The following GPC6 variants were observed in gnomAD, a reference collection of about 807,000 sequenced individuals.
GPC6 encodes the protein glypican-6.
In GPC6, 14 loss-of-function variants were observed where a neutral mutation model predicts 55.2. The ratio of observed to expected loss-of-function variants is 0.25; its 90% CI spans 0.17 to 0.40. The LOEUF (loss-of-function observed/expected upper bound fraction) is 0.40, where lower values mean the gene tolerates loss of function less well. GPC6 is among the 10% of genes least tolerant of loss of function. GPC6 has a pLI of 1.00. For missense variants in GPC6, 641 were observed against 708.5 expected (o/e 0.90, Z 1.08); for synonymous variants, 278 against 259.6 (o/e 1.07, Z -0.68).
chr13:93,719,871 G>A (rs1388232229), intron 2 of GPC6, among the ~76,000 whole-genome samples: 2 of 151,936 alleles, frequency 1.3e-5, no homozygotes, highest in East Asian at 1.9e-4. Flanking sequence ...TTCTGTTTAT[G>A]TGATGGATTA....
chr13:93,651,447 C>T (rs1161059955), intron 2 of GPC6, among the ~76,000 whole-genome samples: 2 of 152,174 alleles, frequency 1.3e-5, no homozygotes, highest in African/African-American at 4.8e-5. Flanking sequence ...GAAGCAACCA[C>T]AACCAGCGAC....
chr13:94,102,023 A>G (rs1885883172), intron 4 of GPC6, among the ~76,000 whole-genome samples: 1 of 152,098 alleles, frequency 6.6e-6, no homozygotes. Context: ...ACTTTTTAAA[A>G]ATGATTCATT....
chr13:93,919,411 A>G (rs534885846), intron 3 of GPC6, among the ~76,000 whole-genome samples: 5 of 152,336 alleles, frequency 3.3e-5, no homozygotes, highest in African/African-American at 1.2e-4. Flanking sequence ...TGACAGCTTC[A>G]TTCAGTAAAT....
chr13:93,685,517 G>C (rs543805544), intron 2 of GPC6, among the ~76,000 whole-genome samples: 1 of 152,262 alleles, frequency 6.6e-6, no homozygotes, highest in South Asian at 2.1e-4. Context: ...GAATGTATAA[G>C]CTTAACACCT....
At chr13:94,391,454 C>T (rs1225153812) in intron 7 of GPC6, among the ~76,000 whole-genome samples, 3 of 152,078 alleles carry the variant, frequency 2.0e-5, no homozygotes, top group Non-Finnish European at 2.9e-5. Context: ...TCATGAAGTC[C>T]CCTAGTGCCT....
At chr13:93,535,544 T>C in intron 1 of GPC6, among the ~76,000 whole-genome samples, 1 of 152,118 alleles carries the variant, frequency 6.6e-6, no homozygotes. Flanking sequence ...TATCAAACTT[T>C]ACACCTAAAT....
chr13:93,860,347 A>G (rs1475050682), intron 3 of GPC6, among the ~76,000 whole-genome samples: 2 of 151,586 alleles, frequency 1.3e-5, no homozygotes, highest in African/African-American at 4.8e-5. Flanking sequence ...AAATACTTTC[A>G]TGCATTTTTT....
intron 2 of GPC6, among the ~76,000 whole-genome samples, chr13:93,611,155 C>T (rs11841273): frequency 0.017 from 2,546 of 152,110 alleles, 62 homozygotes; most frequent in African/African-American, 0.057. Flanking sequence ...ATTACTCACT[C>T]GAGTACTATA....
chr13:93,449,944 C>T (rs761750998), intron 1 of GPC6, among the ~76,000 whole-genome samples: 29 of 150,614 alleles, frequency 1.9e-4, no homozygotes, highest in Non-Finnish European at 3.4e-4. Context: ...TTCTTTGAGA[C>T]GGTGTCTCGC....
At chr13:93,520,769 G>A (rs1378667611) in intron 1 of GPC6, among the ~76,000 whole-genome samples, 3 of 151,634 alleles carry the variant, frequency 2.0e-5, no homozygotes, top group South Asian at 2.1e-4. Flanking sequence ...AACTATACAG[G>A]CATGGAGATG....
At chr13:93,504,047 C>T (rs1021474243) in intron 1 of GPC6, among the ~76,000 whole-genome samples, 12 of 151,904 alleles carry the variant, frequency 7.9e-5, no homozygotes, top group African/African-American at 2.9e-4. Flanking sequence ...GGAAAAATTA[C>T]AAAAAGTGCA....
intron 1 of GPC6, among the ~76,000 whole-genome samples, chr13:93,257,919 G>A (rs1877009298): frequency 6.6e-6 from 1 of 152,210 alleles, no homozygotes; most frequent in Non-Finnish European, 1.5e-5. Context: ...GCTCTCAGTT[G>A]TTAGAGAAGG....
intron 3 of GPC6, among the ~76,000 whole-genome samples, chr13:93,932,949 G>A (rs1176508707): frequency 6.6e-6 from 1 of 150,528 alleles, no homozygotes; most frequent in Admixed American, 6.6e-5. Context: ...TGTTAACAGG[G>A]CTGTTTTTTT....
At chr13:93,551,392 C>A (rs1875152843) in intron 2 of GPC6, among the ~76,000 whole-genome samples, 1 of 151,676 alleles carries the variant, frequency 6.6e-6, no homozygotes, top group South Asian at 2.1e-4. Flanking sequence ...TAGAGATTGG[C>A]TGTTCTAAGA....
At chr13:94,160,519 G>C (rs80048144) in intron 4 of GPC6, among the ~76,000 whole-genome samples, 1,541 of 152,344 alleles carry the variant, frequency 0.01, 30 homozygotes, top group African/African-American at 0.035. Context: ...GGCAACCACA[G>C]GATATTAAAG....
At chr13:93,877,313 A>G (rs1874647820) in intron 3 of GPC6, among the ~76,000 whole-genome samples, 1 of 152,040 alleles carries the variant, frequency 6.6e-6, no homozygotes, top group Non-Finnish European at 1.5e-5. Context: ...ATCCCAAAGT[A>G]AAAGTCATGT....
At chr13:93,218,160 T>C in the GPC6 span, among the ~76,000 whole-genome samples, 1 of 151,392 alleles carries the variant, frequency 6.6e-6, no homozygotes, top group African/African-American at 2.4e-5. Context: ...ATGCACCAGA[T>C]TTGCTTTCTC....
At chr13:94,014,344 G>A (rs1882371928) in intron 3 of GPC6, among the ~76,000 whole-genome samples, 1 of 152,168 alleles carries the variant, frequency 6.6e-6, no homozygotes, top group Non-Finnish European at 1.5e-5. Context: ...GTAATTCAGG[G>A]TTGATATTAT....
chr13:93,995,655 C>A (rs764443188), intron 3 of GPC6, among the ~76,000 whole-genome samples: 5 of 152,100 alleles, frequency 3.3e-5, no homozygotes, highest in Admixed American at 3.3e-4. Context: ...AGAAACTTAT[C>A]AAATAATCAT....
Sources: allele counts gnomAD v4.1 joint callset (sites outside exome capture counted in the v4.1 genomes callset), GRCh38; gene constraint gnomAD v4.1.1; transcripts MANE v1.5; gene names NCBI Gene and HGNC (gene_info 2026-07-23, HGNC 2026-07-21).